MAP2: variants seen among roughly 807,000 people sequenced by gnomAD.
The protein encoded by MAP2 is microtubule-associated protein 2.
In MAP2, 14 loss-of-function variants were observed where a neutral mutation model predicts 137.6. The observed-to-expected ratio is 0.10, with a 90% CI of 0.07 to 0.16. The LOEUF is 0.16. Among genes scored for constraint, MAP2 ranks in the 10% least tolerant of loss-of-function variants. The pLI, the probability that MAP2 is intolerant of heterozygous loss-of-function variation, is 1.00. For missense variants in MAP2, 2,088 were observed against 2,191.5 expected (o/e 0.95, Z 0.94); for synonymous variants, 786 against 782.3 (o/e 1.00, Z -0.08).
intron 2 of MAP2, among the ~76,000 whole-genome samples, chr2:209,530,876 C>T (rs2065010868): frequency 6.6e-6 from 1 of 152,120 alleles, no homozygotes; most frequent in Admixed American, 6.6e-5. Flanking sequence ...TGTGTCTTTT[C>T]TCCCATATTG....
rs886910454 is a variant in MAP2, at chr2:209,667,183, A to G, written c.263-11389A>G. ...GTATTAAAACCATACTTCTCTTCCT[A>G]TAGCTTTTGATCACCTTCTAGTTGT... On this transcript the variant is annotated intron_variant, in intron 5 of 15. Transcript: ENST00000682079. 2.0e-5 allele frequency among the ~76,000 whole-genome samples: 3 copies of G among 152,134 alleles called. No individual in the cohort carries two copies. In the East Asian group the frequency reaches 5.8e-4, roughly 29 times the overall value.
intron 2 of MAP2, among the ~76,000 whole-genome samples, chr2:209,569,444 A>G (rs530809602): frequency 3.3e-5 from 5 of 151,980 alleles, no homozygotes; most frequent in African/African-American, 1.2e-4. Flanking sequence ...TCTTGCCTTC[A>G]TGAAGCTTAC....
chr2:209,586,005 A>G (rs2077611191), intron 3 of MAP2, among the ~76,000 whole-genome samples: 1 of 152,176 alleles, frequency 6.6e-6, no homozygotes, highest in African/African-American at 2.4e-5. Flanking sequence ...AGAGTTGCAC[A>G]TGTTTTTTAG....
chr2:209,678,675 T>G lies in MAP2; in HGVS notation c.366T>G (p.Ala122=). ...KEAQHKDQTA[A]LPLAAEETAN... is the part of the protein sequence containing the mutation. ...CTCAACATAAAGACCAGACTGCAGC[T>G]CTGCCTTTAGGTAAATAAGAAGATT... is the stretch of plus-strand genomic sequence containing the variant. Residue 122 remains alanine (A), a synonymous_variant, in exon 6 of 16, where the codon GCT becomes GCG. Coordinates refer to ENST00000682079, the MANE Select transcript of MAP2 (RefSeq NM_001375505.1). 6.3e-7 allele frequency: 1 copy of G among 1,595,880 alleles called. No homozygotes were observed. Among genetic ancestry groups the G allele is most frequent in the Non-Finnish European group, 8.6e-7 (1 of 1,169,370 alleles).
At chr2:209,485,380 CT>C (rs1172416110) in intron 1 of MAP2, among the ~76,000 whole-genome samples, 21 of 149,550 alleles carry the variant, frequency 1.4e-4, no homozygotes, top group South Asian at 6.4e-4. Flanking sequence ...CCTCCTATAA[CT>C]TTTTTTTTTA....
chr2:209,704,502 G>A (rs777972905), intron 11 of MAP2: 1 of 1,612,806 alleles, frequency 6.2e-7, no homozygotes, highest in African/African-American at 1.3e-5. Context: ...AAGTCCCCAA[G>A]ATACAGCTCA....
At chr2:209,474,273 G>A (rs1706585270) in intron 1 of MAP2, among the ~76,000 whole-genome samples, 1 of 152,154 alleles carries the variant, frequency 6.6e-6, no homozygotes, top group East Asian at 1.9e-4. Flanking sequence ...ATTCAATGGA[G>A]CCAAATGTGT....
In MAP2 at chr2:209,694,575, T is replaced by C; in HGVS notation, c.2405T>C (p.Met802Thr). ...GATTTTTACAAAAATGGTACTGTCATGGCACCTGACCTTCCTGAAATGCTA... is the reference window on the plus strand; with the variant it reads ...GATTTTTACAAAAATGGTACTGTCACGGCACCTGACCTTCCTGAAATGCTA... The part of the protein sequence containing the change: ...AKDFYKNGTV[M>T]APDLPEMLDL... The change falls in exon 8 of 16, where the codon ATG becomes ACG. Residue 802 changes from methionine to threonine, a missense_variant. By Grantham distance (81) the Met-to-Thr change is moderately conservative. Transcript: ENST00000682079. The C allele has an allele frequency of 6.2e-7, 1 of 1,614,074 alleles. No homozygotes were observed. Among genetic ancestry groups the C allele is most frequent in the Non-Finnish European group, 8.5e-7 (1 of 1,179,952 alleles).
At chr2:209,689,607 T>C (rs763561297) in intron 7 of MAP2, among the ~76,000 whole-genome samples, 8 of 152,314 alleles carry the variant, frequency 5.3e-5, no homozygotes, top group Non-Finnish European at 1.0e-4. Flanking sequence ...ACATCTTAAA[T>C]GTTAACTTTT....
intron 3 of MAP2, among the ~76,000 whole-genome samples, chr2:209,613,660 C>CT (rs1486424441): frequency 8.5e-5 from 13 of 152,232 alleles, no homozygotes; most frequent in African/African-American, 3.1e-4. Context: ...CAGAGTGGGA[C>CT]TTTTTTATTG....
chr2:209,438,762 G>A (rs2149371986), intron 1 of MAP2, among the ~76,000 whole-genome samples: 1 of 151,400 alleles, frequency 6.6e-6, no homozygotes, highest in Middle Eastern at 3.4e-3. Context: ...TCCTCAGGAT[G>A]GAATGAAAAG....
chr2:209,599,133 T>A, intron 3 of MAP2, among the ~76,000 whole-genome samples: 1 of 152,198 alleles, frequency 6.6e-6, no homozygotes, highest in Non-Finnish European at 1.5e-5. Context: ...TTTTAAAGAT[T>A]GCCATTCTAA....
chr2:209,723,364 T>C (rs144755630), intron 13 of MAP2, among the ~76,000 whole-genome samples: 1 of 152,304 alleles, frequency 6.6e-6, no homozygotes, highest in African/African-American at 2.4e-5. Flanking sequence ...CATACCTAAG[T>C]ACAGTGGGAT....
intron 2 of MAP2, among the ~76,000 whole-genome samples, chr2:209,555,827 C>T (rs2070433794): frequency 6.6e-6 from 1 of 152,044 alleles, no homozygotes; most frequent in South Asian, 2.1e-4. Flanking sequence ...TGCCAATATT[C>T]TACTCCCATC....
At position 209,493,689 on chromosome 2, in the gene MAP2, T is replaced by C. The variant is rs1167939324; in HGVS notation, c.-221-13903T>C. Among the ~76,000 whole-genome samples, 3 of 152,158 alleles carry C rather than the reference T, an allele frequency of 2.0e-5. No homozygotes were observed. In the East Asian group the frequency reaches 5.8e-4, roughly 29 times the overall value. ...CAACAAACATATGAAGAAAAGCTCC[T>C]CATCACTGGTCATTAGAGAAAAGCA... On this transcript the variant is annotated intron_variant, in intron 1 of 15. Transcript: ENST00000682079.
intron 4 of MAP2, among the ~76,000 whole-genome samples, chr2:209,626,725 C>A (rs2092378125): frequency 6.6e-6 from 1 of 152,090 alleles, no homozygotes; most frequent in Non-Finnish European, 1.5e-5. Flanking sequence ...TCATCTTTAC[C>A]CAATATTATA....
rs1485607623 is a variant in MAP2 at position 209,644,581 on chromosome 2, A to G, written c.-29-8561A>G. 3.3e-5 allele frequency among the ~76,000 whole-genome samples: 5 copies of G among 151,944 alleles called. No individual in the cohort carries two copies. In the East Asian group the frequency reaches 9.7e-4, roughly 30 times the overall value. ...AATTAATATTCATTCAACATTGAAT[A>G]CATATTTGAAAGCTGGGAGGTGGAG... On this transcript the variant is annotated intron_variant, in intron 4 of 15. Coordinates refer to ENST00000682079, the MANE Select transcript of MAP2 (RefSeq NM_001375505.1).
chr2:209,580,700 A>G (rs967927366), intron 3 of MAP2, among the ~76,000 whole-genome samples: 11 of 152,244 alleles, frequency 7.2e-5, no homozygotes, highest in Admixed American at 3.9e-4. Flanking sequence ...TTGACAGCAT[A>G]AGAAAGTAAT....
At chr2:209,571,151 T>A (rs573133908) in intron 2 of MAP2, among the ~76,000 whole-genome samples, 3 of 152,068 alleles carry the variant, frequency 2.0e-5, no homozygotes, top group Non-Finnish European at 4.4e-5. Flanking sequence ...GTGTGTAAAA[T>A]ATATGCTTAT....
Sources: gnomAD v4.1 joint callset for allele counts (sites outside exome capture counted in the v4.1 genomes callset) on GRCh38, gnomAD v4.1.1 for gene constraint, MANE v1.5 for transcripts, NCBI Gene and HGNC (gene_info 2026-07-23, HGNC 2026-07-21) for gene names.